EPN1: variants seen among roughly 807,000 people sequenced by gnomAD.
EPN1 encodes the protein epsin-1.
EPN1 carries 25 observed loss-of-function variants against 56.9 expected under a neutral mutation model. The observed-to-expected ratio is 0.44, with a 90% CI of 0.32 to 0.61. The LOEUF is 0.61. Ranked by LOEUF, EPN1 falls within the 20% of genes least tolerant of loss-of-function variation. The pLI is 0.05. For synonymous variants in EPN1, 411 were observed against 361.8 expected, an observed-to-expected ratio of 1.14 and a Z score of -1.54; for missense variants, 785 against 823.7, an observed-to-expected ratio of 0.95 and a Z score of 0.58.
At chr19:55,693,685 T>C (rs1160177169) in intron 9 of EPN1, among the ~76,000 whole-genome samples, 1 of 150,440 alleles carries the variant, frequency 6.6e-6, no homozygotes, top group African/African-American at 2.4e-5. Context: ...TGATCTCTTA[T>C]TTTTATTTTA....
In EPN1 at chr19:55,695,008, C is replaced by A. The variant is rs1275671555; in HGVS notation, c.1522+25C>A. On this transcript the variant is annotated intron_variant, in intron 10 of 10. Transcript: ENST00000270460. The surrounding 1 kb of genome is among the most constrained non-coding windows in gnomAD (Gnocchi z 4.4). The stretch of plus-strand genomic sequence containing the variant: ...GGTGAGTGTGGGCCCATCACCTGCT[C>A]AAGTCCTTCCTGTGGGTTCCACCAG... 21 of 1,559,254 alleles carry A rather than the reference C, an allele frequency of 1.3e-5. No homozygotes were observed. Among genetic ancestry groups the A allele is most frequent in the Admixed American group, 1.9e-5 (1 of 52,654 alleles).
intron 6 of EPN1, among the ~76,000 whole-genome samples, chr19:55,690,520 A>G (rs1409937566): frequency 6.6e-6 from 1 of 152,170 alleles, no homozygotes; most frequent in Non-Finnish European, 1.5e-5. Context: ...GTTTCGTGTC[A>G]TGGCTGAGGT....
chr19:55,704,580 C>T lies in EPN1; in HGVS notation c.*9224C>T, dbSNP rs917888798. 4.6e-5 allele frequency: 7 copies of T among 152,220 alleles called. No individual in the cohort carries two copies. The highest frequency in any genetic ancestry group is 1.7e-4 in the African/African-American group (7 of 41,432). 9.4% of individuals were successfully genotyped at this position (152,220 alleles called of 1,614,324 possible). A position where few individuals can be genotyped will look rare whatever the true frequency, so the allele number is the denominator to read the frequency against. On this transcript the variant is annotated 3_prime_UTR_variant, in exon 11 of 11. Transcript: ENST00000270460. Reference sequence around the variant, plus strand: ...AAATCCATTGACGTTCTATAGCGCTCCCAGCTGGCGGTACTTTGTTATGAC... The same window carrying T: ...AAATCCATTGACGTTCTATAGCGCTTCCAGCTGGCGGTACTTTGTTATGAC...
rs200688161 is a variant in EPN1, at chr19:55,692,965, G to A, written c.1192G>A (p.Asp398Asn). The change falls in exon 9 of 11, where the codon GAC (aspartate) becomes AAC (asparagine). Residue 398 changes from aspartate (D) to asparagine (N), a missense_variant. Physicochemically the swap from Asp to Asn is conservative, Grantham distance 23 (BLOSUM62 1). Transcript: ENST00000270460. Reference protein sequence around the residue: ...TNGTTAAGGFDTEPDEFSDFD... With the variant: ...TNGTTAAGGFNTEPDEFSDFD... ...TGACCCCACAGCAGCCGGGGGATTC[G>A]ACACGGAGCCCGACGAGTTCTCTGA... 3.1e-5 allele frequency: 50 copies of A among 1,613,346 alleles called. 1 individual carries two copies. Among genetic ancestry groups the A allele is most frequent in the Admixed American group, 1.0e-4 (6 of 59,998 alleles).
chr19:55,687,735 T>C (rs954828789), intron 3 of EPN1, among the ~76,000 whole-genome samples: 1 of 152,140 alleles, frequency 6.6e-6, no homozygotes, highest in African/African-American at 2.4e-5. Context: ...CTGCTGGTTC[T>C]CTCGTCCTTT....
intron 8 of EPN1, 57 bp downstream of exon 8, chr19:55,692,853 T>C: frequency 1.3e-6 from 2 of 1,583,634 alleles, no homozygotes; most frequent in Non-Finnish European, 1.7e-6. Context: ...GAGAAGTTAG[T>C]GTTGAGTGTC....
Position 55,694,439 on chromosome 19 carries a change from C to T in EPN1, c.1265-287C>T, listed in dbSNP as rs1212542457. 5 of 386,886 alleles carry T rather than the reference C, an allele frequency of 1.3e-5. No homozygotes were observed. The highest frequency in any genetic ancestry group is 4.0e-5 in the East Asian group (1 of 25,210). The allele number at this position is 386,886 out of a possible 1,614,324, so 24.0% of individuals were successfully genotyped here. A position where few individuals can be genotyped will look rare whatever the true frequency, so the allele number is the denominator to read the frequency against. ...CGCGGGCCTATAGACCCTGGACGGC[C>T]CCACCCTGAAGCAGTTGCTGCCCTC... On this transcript the variant is annotated intron_variant, in intron 9 of 10. Transcript: ENST00000270460. This position sits in a 1 kb window ranked among gnomAD's most constrained non-coding sequence, Gnocchi z 4.2.
At position 55,692,692 on chromosome 19, in the gene EPN1, T is replaced by C; in HGVS notation, c.1073T>C (p.Val358Ala). ...PDPWGSSDGG[V>A]PVSGPSASDP... ...CTCTTCTGTCCTCACCCAGGTGGGGTCCCGGTCAGTGGGCCCTCAGCCTCC... is the reference window on the plus strand; with the variant it reads ...CTCTTCTGTCCTCACCCAGGTGGGGCCCCGGTCAGTGGGCCCTCAGCCTCC... Residue 358 changes from valine to alanine, a missense_variant, in exon 8 of 11, where the codon GTC becomes GCC. Physicochemically the swap from Val to Ala is moderately conservative, Grantham distance 64. Coordinates refer to ENST00000270460, the MANE Select transcript of EPN1 (RefSeq NM_001130072.2). 1 of 1,540,014 alleles carries C rather than the reference T, an allele frequency of 6.5e-7. No individual in the cohort carries two copies. The highest frequency in any genetic ancestry group is 8.8e-7 in the Non-Finnish European group (1 of 1,141,286).
rs902008508 is a variant in EPN1 at position 55,689,159 on chromosome 19, C to T, written c.604-138C>T. The T allele has an allele frequency of 2.0e-5, 23 of 1,145,094 alleles. No homozygotes were observed. The highest frequency in any genetic ancestry group is 1.6e-4 in the Admixed American group (7 of 42,798). The allele number at this position is 1,145,094 out of a possible 1,614,324, so 70.9% of individuals were successfully genotyped here. ...TCATCCTCACCCCGCCGTCCCTCTGCGTGTCACTCTCTGCCTGTCCCTCAC... is the reference window on the plus strand; with the variant it reads ...TCATCCTCACCCCGCCGTCCCTCTGTGTGTCACTCTCTGCCTGTCCCTCAC... On this transcript the variant is annotated intron_variant, in intron 4 of 10. Coordinates refer to ENST00000270460, the MANE Select transcript of EPN1 (RefSeq NM_001130072.2). The surrounding 1 kb of genome is among the most constrained non-coding windows in gnomAD (Gnocchi z 5.7).
chr19:55,688,977 A>G lies in EPN1; in HGVS notation c.586A>G (p.Lys196Glu). ...LQLQLALAMS[K>E]EEADQPPSCG... Reference sequence around the variant, plus strand: ...GCTCCAGCTGGCCCTGGCCATGAGCAAGGAGGAGGCCGACCAGGTACTGGG... The same window carrying G: ...GCTCCAGCTGGCCCTGGCCATGAGCGAGGAGGAGGCCGACCAGGTACTGGG... The change falls in exon 4 of 11, where the codon AAG (lysine) becomes GAG (glutamate). Residue 196 changes from lysine (K) to glutamate (E), a missense_variant. Coordinates refer to ENST00000270460, the MANE Select transcript of EPN1 (RefSeq NM_001130072.2). 1 of 1,596,424 alleles carries G rather than the reference A, an allele frequency of 6.3e-7. No individual in the cohort carries two copies. The highest frequency in any genetic ancestry group is 8.5e-7 in the Non-Finnish European group (1 of 1,175,340).
At position 55,700,113 on chromosome 19, in the gene EPN1, C is replaced by T. The variant is rs1394221334; in HGVS notation, c.*4757C>T. ...TTTTTTTGTATTTTTTTAGTAGAGA[C>T]GGGGTTTCACTGTGTTAGCCAGGAT... is the stretch of plus-strand genomic sequence containing the variant. On this transcript the variant is annotated 3_prime_UTR_variant, in exon 11 of 11. Coordinates refer to ENST00000270460, the MANE Select transcript of EPN1 (RefSeq NM_001130072.2). 4 of 150,632 alleles carry T rather than the reference C, an allele frequency of 2.7e-5. No homozygotes were observed. The highest frequency in any genetic ancestry group is 5.0e-5 in the African/African-American group (2 of 40,180). 9.3% of individuals were successfully genotyped at this position (150,632 alleles called of 1,614,324 possible).
intron 2 of EPN1, chr19:55,680,803 A>T (rs1434215129): frequency 6.6e-6 from 1 of 152,550 alleles, no homozygotes; most frequent in African/African-American, 2.4e-5. Flanking sequence ...ACAGGCCCAG[A>T]GGCCCTGAGC....
chr19:55,702,945 C>G lies in EPN1; in HGVS notation c.*7589C>G, dbSNP rs28498398. On this transcript the variant is annotated 3_prime_UTR_variant, in exon 11 of 11. Transcript: ENST00000270460. ...GAGTAGCTGGGACTACAGGCGCCCA[C>G]CACCACGCCCGGCTAAGCTAATTTT... The G allele has an allele frequency of 0.25, 37,753 of 151,894 alleles. 5,185 individuals are homozygous for G. The highest frequency in any genetic ancestry group is 0.44 in the East Asian group (2,221 of 5,090). The allele number at this position is 151,894 out of a possible 1,614,324, so 9.4% of individuals were successfully genotyped here.
Position 55,691,014 on chromosome 19 carries a change from C to T in EPN1, c.763-740C>T, listed in dbSNP as rs73933311. On this transcript the variant is annotated intron_variant, in intron 6 of 10. Coordinates refer to ENST00000270460, the MANE Select transcript of EPN1 (RefSeq NM_001130072.2). The surrounding 1 kb of genome is among the most constrained non-coding windows in gnomAD (Gnocchi z 5.6). ...CTTCCCATCCCCGCCGGGGCCTTTG[C>T]CTCACGGGTGCTGACTGGAGATGTG... 2.4e-3 allele frequency among the ~76,000 whole-genome samples: 364 copies of T among 152,296 alleles called. No homozygotes were observed. Among genetic ancestry groups the T allele is most frequent in the African/African-American group, 8.5e-3 (354 of 41,554 alleles).
At position 55,697,432 on chromosome 19, in the gene EPN1, C is replaced by G. The variant is rs1327426015; in HGVS notation, c.*2076C>G. ...ACGATTTCGCACTGCGGAGCCTGCA[C>G]TCCCTTTCTCTTCAAAAAAGCTGAG... On this transcript the variant is annotated 3_prime_UTR_variant, in exon 11 of 11. Coordinates refer to ENST00000270460, the MANE Select transcript of EPN1 (RefSeq NM_001130072.2). 1 of 152,234 alleles carries G rather than the reference C, an allele frequency of 6.6e-6. No individual in the cohort carries two copies. Among genetic ancestry groups the G allele is most frequent in the Non-Finnish European group, 1.5e-5 (1 of 68,054 alleles). 9.4% of individuals were successfully genotyped at this position (152,234 alleles called of 1,614,324 possible). A position where few individuals can be genotyped will look rare whatever the true frequency, so the allele number is the denominator to read the frequency against.
At position 55,694,500 on chromosome 19, in the gene EPN1, C is replaced by T. The variant is rs1986789238; in HGVS notation, c.1265-226C>T. 4 of 465,172 alleles carry T rather than the reference C, an allele frequency of 8.6e-6. 1 individual carries two copies. In the South Asian group the frequency reaches 1.8e-4, roughly 21 times the overall value. The allele number at this position is 465,172 out of a possible 1,614,324, so 28.8% of individuals were successfully genotyped here. On this transcript the variant is annotated intron_variant, in intron 9 of 10. Transcript: ENST00000270460. The surrounding 1 kb of genome is among the most constrained non-coding windows in gnomAD (Gnocchi z 4.2). ...AGGGTGACACCTGCTTCTGTCATCCCTCTTGTGTTTGCTCACTGGAATCAG... is the reference window on the plus strand; with the variant it reads ...AGGGTGACACCTGCTTCTGTCATCCTTCTTGTGTTTGCTCACTGGAATCAG...
rs565932897 is a variant in EPN1 at position 55,699,519 on chromosome 19, A to G, written c.*4163A>G. The G allele has an allele frequency of 2.1e-4, 32 of 152,346 alleles. No individual in the cohort carries two copies. The highest frequency in any genetic ancestry group is 6.7e-4 in the African/African-American group (28 of 41,584). The allele number at this position is 152,346 out of a possible 1,614,324, so 9.4% of individuals were successfully genotyped here. A position where few individuals can be genotyped will look rare whatever the true frequency, so the allele number is the denominator to read the frequency against. ...TCACAGGTGCCCCTGGAGTTTCTCA[A>G]ACTGCAGCCCAAGGATTGGCTGCTT... On this transcript the variant is annotated 3_prime_UTR_variant, in exon 11 of 11. Coordinates refer to ENST00000270460, the MANE Select transcript of EPN1 (RefSeq NM_001130072.2).
At position 55,706,308 on chromosome 19, in the gene EPN1, G is replaced by A. The variant is rs1397183936; in HGVS notation, c.*10952G>A. ...CTTTTTTTTTTTTTTTTAAAAGACC[G>A]TGTTTCGCTCTGTCACCCAGGCTGG... is the stretch of plus-strand genomic sequence containing the variant. On this transcript the variant is annotated 3_prime_UTR_variant, in exon 11 of 11. Coordinates refer to ENST00000270460, the MANE Select transcript of EPN1 (RefSeq NM_001130072.2). The A allele has an allele frequency of 5.4e-5, 5 of 92,872 alleles. No individual in the cohort carries two copies. The highest frequency in any genetic ancestry group is 6.8e-4 in the East Asian group (2 of 2,926). 5.8% of individuals were successfully genotyped at this position (92,872 alleles called of 1,614,324 possible).
chr19:55,688,198 G>T lies in EPN1; in HGVS notation c.479-672G>T, dbSNP rs371402665. On this transcript the variant is annotated intron_variant, in intron 3 of 10. Coordinates refer to ENST00000270460, the MANE Select transcript of EPN1 (RefSeq NM_001130072.2). ...GGGGGGCAAGGGTCCACAGGCCTTG[G>T]GGGTGGAGAGAACAGTGTCAGGACA... Among the ~76,000 whole-genome samples the T allele has an allele frequency of 7.2e-5, 11 of 152,272 alleles. No homozygotes were observed. The East Asian group carries it at 1.4e-3, about 19-fold the overall frequency.
Sources: allele counts gnomAD v4.1 joint callset (sites outside exome capture counted in the v4.1 genomes callset), GRCh38; gene constraint gnomAD v4.1.1; non-coding constraint Gnocchi (gnomAD v3.1); transcripts MANE v1.5; gene names NCBI Gene and HGNC (gene_info 2026-07-23, HGNC 2026-07-21).